The following ANAPC1 variants were observed in gnomAD, a reference collection of about 807,000 sequenced individuals.
ANAPC1 encodes the protein anaphase promoting complex subunit 1.
ANAPC1 carries 36 observed loss-of-function variants against 208.0 expected under a neutral mutation model. That is an observed-to-expected ratio of 0.17 (90% CI 0.13 to 0.23). The LOEUF is 0.23. ANAPC1 is among the 10% of genes least tolerant of loss of function. The pLI is 1.00. For synonymous variants in ANAPC1, 378 were observed against 695.2 expected (o/e 0.54, Z 7.18); for missense variants, 942 against 2,011.6 (o/e 0.47, Z 10.17).
Position 111,772,406 on chromosome 2 carries a change from A to T in ANAPC1, c.5654T>A (p.Leu1885Gln). ...AGAGTGGTAGACGAGGAAGCAGGCC[A>T]GCATGCTCAGCTGTGATTCCTCCAA... is the stretch of plus-strand genomic sequence containing the variant. ...QPLEESQLSM[L>Q]ACFLVYHSVP... The change falls in exon 47 of 48, where the codon CTG (leucine) becomes CAG (glutamine). Residue 1885 changes from leucine to glutamine, a missense_variant. Leu to Gln is a moderately radical substitution (Grantham distance 113). Transcript: ENST00000341068. 2.5e-6 allele frequency: 4 copies of T among 1,603,638 alleles called. No individual in the cohort carries two copies. The highest frequency in any genetic ancestry group is 3.4e-6 in the Non-Finnish European group (4 of 1,174,196).
intron 39 of ANAPC1, among the ~76,000 whole-genome samples, chr2:111,787,395 A>G (rs1245535371): frequency 6.6e-6 from 1 of 150,566 alleles, no homozygotes; most frequent in African/African-American, 2.5e-5. Flanking sequence ...AGATTAGGCT[A>G]CTTTTGTAAA....
intron 28 of ANAPC1, among the ~76,000 whole-genome samples, chr2:111,810,610 C>A (rs530833908): frequency 6.7e-6 from 1 of 148,524 alleles, no homozygotes; most frequent in East Asian, 2.0e-4. Context: ...GGGCTGGGTG[C>A]AGAGGCTCAC....
chr2:111,828,666 CATT>C (rs1679966134), intron 21 of ANAPC1, among the ~76,000 whole-genome samples: 1 of 152,058 alleles, frequency 6.6e-6, no homozygotes, highest in East Asian at 1.9e-4. Context: ...ACATTGAAAA[CATT>C]ATGCTAAGTG....
intron 21 of ANAPC1, among the ~76,000 whole-genome samples, chr2:111,828,672 G>A (rs1679966422): frequency 2.0e-5 from 3 of 152,174 alleles, no homozygotes; most frequent in African/African-American, 7.2e-5. Context: ...AAAACATTAT[G>A]CTAAGTGAAA....
At chr2:111,842,642 C>CAAAA (rs1320611057) in intron 17 of ANAPC1, among the ~76,000 whole-genome samples, 1 of 84,026 alleles carries the variant, frequency 1.2e-5, no homozygotes, top group Non-Finnish European at 2.4e-5. Context: ...CATTCTGTCT[C>CAAAA]AAAAAAAAAA....
intron 7 of ANAPC1, among the ~76,000 whole-genome samples, chr2:111,867,586 G>A (rs997949120): frequency 6.6e-6 from 1 of 151,496 alleles, no homozygotes; most frequent in African/African-American, 2.4e-5. Context: ...CAGCTACTCG[G>A]GAGGCTGAGG....
At chr2:111,871,329 ATTTG>A (rs1682734825) in intron 6 of ANAPC1, among the ~76,000 whole-genome samples, 1 of 152,112 alleles carries the variant, frequency 6.6e-6, no homozygotes, top group Non-Finnish European at 1.5e-5. Context: ...ATGTGTTACC[ATTTG>A]TTTGTGTCAT....
intron 39 of ANAPC1, among the ~76,000 whole-genome samples, chr2:111,786,398 AAAAAAC>A (rs1297163047): frequency 0.053 from 6,922 of 130,940 alleles, 400 homozygotes; most frequent in African/African-American, 0.15. Context: ...ATCTCAGAAG[AAAAAAC>A]AAAAAAAAAT....
intron 9 of ANAPC1, 146 bp from the exon 10 acceptor site, chr2:111,862,744 G>T: frequency 1.1e-6 from 1 of 918,630 alleles, no homozygotes; most frequent in South Asian, 2.0e-5. Context: ...TTTCAAAAAG[G>T]AGTAGCTATT....
At chr2:111,868,235 T>G in intron 6 of ANAPC1, 139 bp from the exon 7 acceptor site, 1 of 529,322 alleles carries the variant, frequency 1.9e-6, no homozygotes, top group Non-Finnish European at 3.4e-6. Context: ...TTCTAAACTT[T>G]GTACATACTA....
chr2:111,842,495 C>T (rs537701538), intron 17 of ANAPC1, among the ~76,000 whole-genome samples: 1 of 151,924 alleles, frequency 6.6e-6, no homozygotes, highest in African/African-American at 2.4e-5. Context: ...TACAAAAAAT[C>T]AGCCAGGCGT....
chr2:111,853,909 G>A (rs536826406), intron 13 of ANAPC1, among the ~76,000 whole-genome samples: 1 of 152,100 alleles, frequency 6.6e-6, no homozygotes, highest in Non-Finnish European at 1.5e-5. Flanking sequence ...GTAGACACAG[G>A]GTTTCACCGT....
chr2:111,867,746 A>G (rs1339091758), intron 7 of ANAPC1, among the ~76,000 whole-genome samples: 1 of 151,990 alleles, frequency 6.6e-6, no homozygotes, highest in African/African-American at 2.4e-5. Flanking sequence ...TCATCTAAGT[A>G]TCATTCATTT....
In ANAPC1 at chr2:111,850,759, C is replaced by T. The variant is rs1681345835; in HGVS notation, c.1650+17G>A. On this transcript the variant is annotated intron_variant, in intron 14 of 47. Coordinates refer to ENST00000341068, the MANE Select transcript of ANAPC1 (RefSeq NM_022662.4). ...AAAAAATGTTAACTTTTTGGCAACA[C>T]CTAGTCCTTTTCTTACCTCGTCCAA... 1 of 1,609,016 alleles carries T rather than the reference C, an allele frequency of 6.2e-7. No homozygotes were observed. The highest frequency in any genetic ancestry group is 8.5e-7 in the Non-Finnish European group (1 of 1,179,208).
chr2:111,865,077 T>C, intron 7 of ANAPC1, 126 bp from the exon 8 acceptor site: 1 of 741,922 alleles, frequency 1.3e-6, no homozygotes, highest in African/African-American at 1.9e-5. Context: ...CAAAATTTAT[T>C]ACTATCTTAA....
chr2:111,851,596 G>C (rs1273653748), intron 13 of ANAPC1, among the ~76,000 whole-genome samples: 1 of 151,854 alleles, frequency 6.6e-6, no homozygotes, highest in African/African-American at 2.4e-5. Flanking sequence ...CACAAGGTCA[G>C]GAGTTCAAGA....
At position 111,779,197 on chromosome 2, in the gene ANAPC1, C is replaced by A. The variant is rs1401570898; in HGVS notation, c.5290-427G>T. ...GGGTGGGCATGGGCTTTATTAGAGA[C>A]CCGTGACCTGGAGTGCACAGCCCAG... On this transcript the variant is annotated intron_variant, in intron 44 of 47. Coordinates refer to ENST00000341068, the MANE Select transcript of ANAPC1 (RefSeq NM_022662.4). The A allele has an allele frequency of 3.1e-5, 5 of 161,860 alleles. No homozygotes were observed. The East Asian group carries it at 9.5e-4, about 31-fold the overall frequency. The allele number at this position is 161,860 out of a possible 1,614,324, so 10.0% of individuals were successfully genotyped here.
intron 13 of ANAPC1, among the ~76,000 whole-genome samples, chr2:111,854,450 GC>G (rs1681588780): frequency 6.6e-6 from 1 of 152,202 alleles, no homozygotes; most frequent in African/African-American, 2.4e-5. Flanking sequence ...AGCTGCATTA[GC>G]CCCTAACAAG....
At chr2:111,771,292 A>G (rs1261550266) in intron 47 of ANAPC1, among the ~76,000 whole-genome samples, 2 of 150,734 alleles carry the variant, frequency 1.3e-5, no homozygotes, top group Non-Finnish European at 3.0e-5. Context: ...GGCTTCTGCT[A>G]GATCTCTTGA....
Sources: allele counts gnomAD v4.1 joint callset (sites outside exome capture counted in the v4.1 genomes callset), GRCh38; gene constraint gnomAD v4.1.1; transcripts MANE v1.5; gene names NCBI Gene and HGNC (gene_info 2026-07-23, HGNC 2026-07-21).